Variants in CSMD1 observed in about 807,000 individuals in gnomAD.
The protein encoded by CSMD1 is CUB and Sushi multiple domains 1.
A neutral mutation model predicts 417.5 loss-of-function variants in CSMD1; 213 were observed. That is an observed-to-expected ratio of 0.51 (90% CI 0.46 to 0.57). The LOEUF (loss-of-function observed/expected upper bound fraction) is 0.57. Ranked by LOEUF, CSMD1 falls within the 20% of genes least tolerant of loss-of-function variation. The pLI is 0.00. For synonymous variants in CSMD1, 2,862 were observed against 1,736.8 expected, an observed-to-expected ratio of 1.65 and a Z score of -16.11; for missense variants, 6,923 against 4,529.7, an observed-to-expected ratio of 1.53 and a Z score of -15.17.
intron 12 of CSMD1, among the ~76,000 whole-genome samples, chr8:3,458,702 T>A (rs1816307381): frequency 6.6e-6 from 1 of 152,216 alleles, no homozygotes; most frequent in Non-Finnish European, 1.5e-5. Flanking sequence ...AATTTCAGCT[T>A]CAAACACTTA....
At chr8:4,343,788 T>C (rs887957146) in intron 3 of CSMD1, among the ~76,000 whole-genome samples, 2 of 152,064 alleles carry the variant, frequency 1.3e-5, no homozygotes, top group African/African-American at 2.4e-5. Flanking sequence ...ACACGTTCCG[T>C]ATTAGAAATA....
chr8:4,572,062 C>T (rs2693798), intron 2 of CSMD1, among the ~76,000 whole-genome samples: 1 of 151,792 alleles, frequency 6.6e-6, no homozygotes, highest in Non-Finnish European at 1.5e-5. Context: ...GGTCTTGACT[C>T]TTTATTCAAT....
intron 3 of CSMD1, among the ~76,000 whole-genome samples, chr8:4,113,376 G>C (rs1176665064): frequency 1.4e-5 from 2 of 139,886 alleles, no homozygotes; most frequent in African/African-American, 5.3e-5. Flanking sequence ...TGTTCTTCAA[G>C]GAAAATAAAA....
intron 5 of CSMD1, among the ~76,000 whole-genome samples, chr8:3,876,351 T>A (rs1805821269): frequency 6.6e-6 from 1 of 152,170 alleles, no homozygotes; most frequent in African/African-American, 2.4e-5. Context: ...TTGTGTTAGT[T>A]TTCATGTATA....
intron 7 of CSMD1, among the ~76,000 whole-genome samples, chr8:3,696,243 G>C (rs1800545026): frequency 6.6e-6 from 1 of 152,138 alleles, no homozygotes. Flanking sequence ...AATTTAGACA[G>C]GCACATTGCT....
chr8:4,759,777 G>A (rs1289288211), intron 1 of CSMD1, among the ~76,000 whole-genome samples: 3 of 152,176 alleles, frequency 2.0e-5, no homozygotes, highest in African/African-American at 7.2e-5. Flanking sequence ...GTATTCCATA[G>A]TACATATGTA....
intron 5 of CSMD1, among the ~76,000 whole-genome samples, chr8:3,987,740 T>G (rs1222697577): frequency 6.6e-6 from 1 of 152,004 alleles, no homozygotes; most frequent in Admixed American, 6.6e-5. Flanking sequence ...AAGTGCAAAA[T>G]GGAATGTAAA....
At chr8:3,106,844 A>T in intron 45 of CSMD1, 5 of 427,204 alleles carry the variant, frequency 1.2e-5, no homozygotes, top group Non-Finnish European at 2.1e-5. Flanking sequence ...AGCTTAGCCG[A>T]TATTAGTACT....
At chr8:3,107,237 G>T (rs568229450) in intron 45 of CSMD1, 1 of 156,402 alleles carries the variant, frequency 6.4e-6, no homozygotes, top group Non-Finnish European at 1.4e-5. Context: ...AATGTAAAAA[G>T]ATACAGCAGA....
At chr8:4,738,229 A>C (rs1190209228) in intron 1 of CSMD1, among the ~76,000 whole-genome samples, 1 of 152,218 alleles carries the variant, frequency 6.6e-6, no homozygotes, top group Non-Finnish European at 1.5e-5. Flanking sequence ...CCTACAGTCA[A>C]ATATTTATCC....
chr8:4,299,022 G>T (rs557214052), intron 3 of CSMD1, among the ~76,000 whole-genome samples: 1 of 151,960 alleles, frequency 6.6e-6, no homozygotes, highest in African/African-American at 2.4e-5. Flanking sequence ...CATTTAAAAA[G>T]CAGAATAAAA....
chr8:4,748,172 A>C (rs376064080), intron 1 of CSMD1, among the ~76,000 whole-genome samples: 72 of 152,302 alleles, frequency 4.7e-4, no homozygotes, highest in African/African-American at 1.7e-3. Context: ...TTTCTACTCC[A>C]TCACCTTGGC....
intron 2 of CSMD1, among the ~76,000 whole-genome samples, chr8:4,448,666 C>A (rs1484333478): frequency 6.6e-6 from 1 of 152,192 alleles, no homozygotes; most frequent in African/African-American, 2.4e-5. Context: ...CAACATCTGA[C>A]TTTCTTCTCA....
chr8:3,677,203 G>C (rs577432334), intron 7 of CSMD1, among the ~76,000 whole-genome samples: 2 of 152,082 alleles, frequency 1.3e-5, no homozygotes, highest in Admixed American at 1.3e-4. Context: ...AAGACTTATA[G>C]AAATACACAC....
chr8:4,457,376 C>T (rs181905899), intron 2 of CSMD1, among the ~76,000 whole-genome samples: 26 of 152,104 alleles, frequency 1.7e-4, no homozygotes, highest in African/African-American at 5.5e-4. Context: ...ATTGGGGCTT[C>T]CCGAGGTCTG....
chr8:3,210,226 G>T (rs1220324269), intron 30 of CSMD1, among the ~76,000 whole-genome samples: 1 of 152,076 alleles, frequency 6.6e-6, no homozygotes, highest in East Asian at 1.9e-4. Flanking sequence ...CTACAGGAGA[G>T]ACCATCTCTG....
intron 3 of CSMD1, among the ~76,000 whole-genome samples, chr8:4,399,617 C>A (rs1023522088): frequency 6.6e-6 from 1 of 152,012 alleles, no homozygotes; most frequent in African/African-American, 2.4e-5. Context: ...AGTTGTAACA[C>A]CATCCTAGAT....
intron 3 of CSMD1, among the ~76,000 whole-genome samples, chr8:4,295,618 T>C (rs1211894203): frequency 6.9e-6 from 1 of 145,362 alleles, no homozygotes; most frequent in Non-Finnish European, 1.5e-5. Flanking sequence ...CCTAAGATTA[T>C]ATATATATAA....
At chr8:4,038,413 G>T (rs1473361661) in intron 3 of CSMD1, among the ~76,000 whole-genome samples, 1 of 152,100 alleles carries the variant, frequency 6.6e-6, no homozygotes, top group Middle Eastern at 3.2e-3. Flanking sequence ...TCTATGCAAA[G>T]ATTCAAGACA....
Sources: allele counts gnomAD v4.1 joint callset (sites outside exome capture counted in the v4.1 genomes callset), GRCh38; gene constraint gnomAD v4.1.1; transcripts MANE v1.5; gene names NCBI Gene and HGNC (gene_info 2026-07-23, HGNC 2026-07-21).